CHODL: variants seen among roughly 807,000 people sequenced by gnomAD.
CHODL encodes chondrolectin.
Under a neutral mutation model 34.5 loss-of-function variants are expected in CHODL, and 29 were observed. The ratio of observed to expected loss-of-function variants is 0.84; its 90% CI spans 0.63 to 1.15. CHODL has a LOEUF of 1.15. Ranked by LOEUF, CHODL falls within the 50% of genes most tolerant of loss-of-function variation. CHODL has a pLI of 0.00. For missense variants in CHODL, 332 were observed against 332.5 expected (o/e 1.00, Z 0.01); for synonymous variants, 125 against 116.1 (o/e 1.08, Z -0.49).
intron 2 of CHODL, among the ~76,000 whole-genome samples, chr21:18,141,456 G>A (rs1282207005): frequency 6.6e-6 from 1 of 152,012 alleles, no homozygotes; most frequent in Non-Finnish European, 1.5e-5. Context: ...CATTCTGAGT[G>A]TCCAAATCTT....
chr21:18,009,232 A>G (rs1173493306), intron 1 of CHODL, among the ~76,000 whole-genome samples: 2 of 152,212 alleles, frequency 1.3e-5, no homozygotes, highest in Non-Finnish European at 2.9e-5. Flanking sequence ...ACTTTAGCCT[A>G]TATAGCTAAA....
At chr21:18,171,502 C>A (rs557465360) in intron 2 of CHODL, among the ~76,000 whole-genome samples, 182 of 152,130 alleles carry the variant, frequency 1.2e-3, no homozygotes, top group Admixed American at 2.1e-3. Context: ...CCACCGCGCC[C>A]GGCCTTCTTT....
intron 2 of CHODL, among the ~76,000 whole-genome samples, chr21:18,049,986 T>G (rs887956015): frequency 6.6e-6 from 1 of 151,964 alleles, no homozygotes; most frequent in African/African-American, 2.4e-5. Context: ...GGTTTCTGCT[T>G]TCCTGGAGCT....
intron 1 of CHODL, among the ~76,000 whole-genome samples, chr21:17,996,662 G>A (rs760015223): frequency 6.6e-6 from 1 of 152,202 alleles, no homozygotes; most frequent in Admixed American, 6.5e-5. Flanking sequence ...AGCTGCCAAG[G>A]TAGTAGAGGG....
intron 1 of CHODL, among the ~76,000 whole-genome samples, chr21:18,249,072 A>G (rs1407157518): frequency 8.2e-6 from 1 of 122,584 alleles, no homozygotes; most frequent in Non-Finnish European, 1.6e-5. Context: ...TTTACTATAT[A>G]TAATATATAT....
At chr21:18,217,382 T>G (rs1601160580) in intron 2 of CHODL, among the ~76,000 whole-genome samples, 1 of 152,070 alleles carries the variant, frequency 6.6e-6, no homozygotes, top group African/African-American at 2.4e-5. Context: ...CTTACCCACA[T>G]GATGGCAGGA....
chr21:18,112,649 G>C (rs1352395561), intron 2 of CHODL, among the ~76,000 whole-genome samples: 1 of 152,122 alleles, frequency 6.6e-6, no homozygotes, highest in Non-Finnish European at 1.5e-5. Context: ...AAAATGCCAA[G>C]AACATACATT....
intron 2 of CHODL, among the ~76,000 whole-genome samples, chr21:18,232,954 T>C (rs966126455): frequency 1.1e-4 from 15 of 140,338 alleles, no homozygotes; most frequent in East Asian, 7.9e-4. Context: ...TATATATATA[T>C]ATATATATAT....
intron 2 of CHODL, among the ~76,000 whole-genome samples, chr21:18,168,486 T>A (rs1259641544): frequency 6.6e-6 from 1 of 152,226 alleles, no homozygotes; most frequent in African/African-American, 2.4e-5. Context: ...TGAAGTGGAA[T>A]CTCATTGTGG....
chr21:17,935,421 A>G (rs1245656030), intron 1 of CHODL, among the ~76,000 whole-genome samples: 1 of 152,042 alleles, frequency 6.6e-6, no homozygotes, highest in Non-Finnish European at 1.5e-5. Flanking sequence ...AACCACATAT[A>G]CCTTCCATTA....
At chr21:18,233,574 G>T (rs1344084304) in intron 2 of CHODL, among the ~76,000 whole-genome samples, 2 of 152,056 alleles carry the variant, frequency 1.3e-5, no homozygotes, top group African/African-American at 2.4e-5. Context: ...GCCAAATTAA[G>T]TCCCAGAGTT....
intron 2 of CHODL, among the ~76,000 whole-genome samples, chr21:18,097,525 T>A (rs2065154406): frequency 6.6e-6 from 1 of 151,926 alleles, no homozygotes; most frequent in Admixed American, 6.6e-5. Flanking sequence ...AAGTGAAAGA[T>A]CTTTACAAAT....
chr21:17,958,364 A>G (rs1259589068), intron 1 of CHODL, among the ~76,000 whole-genome samples: 1 of 152,152 alleles, frequency 6.6e-6, no homozygotes, highest in Non-Finnish European at 1.5e-5. Context: ...TGGGCACAGT[A>G]TTCTATTAGG....
intron 2 of CHODL, among the ~76,000 whole-genome samples, chr21:18,191,559 G>C (rs766651330): frequency 6.6e-6 from 1 of 152,126 alleles, no homozygotes. Flanking sequence ...ATGTTGCTGC[G>C]TATCTTTTTG....
chr21:18,139,604 G>A (rs1424210336), intron 2 of CHODL, among the ~76,000 whole-genome samples: 1 of 152,020 alleles, frequency 6.6e-6, no homozygotes, highest in Non-Finnish European at 1.5e-5. Context: ...TGTGTGCAGT[G>A]GAATCCTGGG....
intron 2 of CHODL, among the ~76,000 whole-genome samples, chr21:18,029,397 G>A (rs2064221209): frequency 6.6e-6 from 1 of 152,062 alleles, no homozygotes; most frequent in Non-Finnish European, 1.5e-5. Flanking sequence ...CAATCCTTGT[G>A]TATATTTTAA....
intron 5 of CHODL, among the ~76,000 whole-genome samples, chr21:18,265,211 A>ATG (rs1158974506): frequency 6.8e-6 from 1 of 147,840 alleles, no homozygotes; most frequent in African/African-American, 2.6e-5. Context: ...ACACACATAT[A>ATG]TGTATGTGTA....
At chr21:17,951,177 T>G (rs1198430956) in intron 1 of CHODL, among the ~76,000 whole-genome samples, 1 of 151,836 alleles carries the variant, frequency 6.6e-6, no homozygotes, top group Non-Finnish European at 1.5e-5. Context: ...GCATGATTAC[T>G]TTGGTGGGGC....
chr21:18,026,929 C>T (rs929302680), intron 1 of CHODL, among the ~76,000 whole-genome samples: 6 of 152,012 alleles, frequency 3.9e-5, no homozygotes, highest in Non-Finnish European at 7.4e-5. Flanking sequence ...ATAAAATTTG[C>T]GTCTTCTGTT....
Sources: gnomAD v4.1 joint callset for allele counts (sites outside exome capture counted in the v4.1 genomes callset) on GRCh38, gnomAD v4.1.1 for gene constraint, MANE v1.5 for transcripts, NCBI Gene and HGNC (gene_info 2026-07-23, HGNC 2026-07-21) for gene names.